The following VAV3 variants were observed in gnomAD, a reference collection of about 807,000 sequenced individuals.
The protein encoded by VAV3 is guanine nucleotide exchange factor VAV3.
Under a neutral mutation model 131.2 loss-of-function variants are expected in VAV3, and 94 were observed. The ratio of observed to expected loss-of-function variants is 0.72; its 90% confidence interval spans 0.61 to 0.85. VAV3 has a LOEUF of 0.85. VAV3 is among the 40% of genes least tolerant of loss of function. The pLI is 0.00. For missense variants in VAV3, 939 were observed against 1,002.7 expected (o/e 0.94, Z 0.86); for synonymous variants, 349 against 342.0 (o/e 1.02, Z -0.22).
At chr1:107,737,653 A>G (rs1028083433) in intron 15 of VAV3, among the ~76,000 whole-genome samples, 2 of 152,224 alleles carry the variant, frequency 1.3e-5, no homozygotes, top group Non-Finnish European at 2.9e-5. Context: ...AACCACAATG[A>G]GATACCATCT....
In VAV3 at chr1:107,964,986, C is replaced by G; in HGVS notation, c.-117G>C. The G allele has an allele frequency of 2.2e-6, 2 of 908,514 alleles. No individual in the cohort carries two copies. Among genetic ancestry groups the G allele is most frequent in the Non-Finnish European group, 2.8e-6 (2 of 719,132 alleles). 56.3% of individuals were successfully genotyped at this position (908,514 alleles called of 1,614,324 possible). On this transcript the variant is annotated 5_prime_UTR_variant, in exon 1 of 27. Transcript: ENST00000370056. ...CGCCAACAGCCGCCGGCCCTTTCCCCGCGCGGGATCGAGGGAGCAGGAGCC... is the reference window on the plus strand; with the variant it reads ...CGCCAACAGCCGCCGGCCCTTTCCCGGCGCGGGATCGAGGGAGCAGGAGCC...
At chr1:107,784,352 T>C (rs1665867570) in intron 2 of VAV3, among the ~76,000 whole-genome samples, 2 of 152,326 alleles carry the variant, frequency 1.3e-5, no homozygotes, top group African/African-American at 2.4e-5. Context: ...CTGTGTAACA[T>C]TTCAGTGTAT....
chr1:107,684,395 CTG>C (rs1267734098), intron 18 of VAV3, among the ~76,000 whole-genome samples: 1 of 152,188 alleles, frequency 6.6e-6, no homozygotes, highest in Non-Finnish European at 1.5e-5. Flanking sequence ...GGGTTTGTAT[CTG>C]TGTGTGAAGA....
intron 15 of VAV3, among the ~76,000 whole-genome samples, chr1:107,742,367 C>A (rs1663073785): frequency 6.6e-6 from 1 of 152,162 alleles, no homozygotes; most frequent in Non-Finnish European, 1.5e-5. Flanking sequence ...TGCCCTCATG[C>A]AAGAAACAGA....
chr1:107,718,251 A>G (rs1467727088), intron 15 of VAV3, among the ~76,000 whole-genome samples: 2 of 152,194 alleles, frequency 1.3e-5, no homozygotes, highest in Non-Finnish European at 2.9e-5. Flanking sequence ...CAATTAGGAA[A>G]AGAGGAAATC....
At chr1:107,771,494 C>A (rs548348970) in intron 5 of VAV3, among the ~76,000 whole-genome samples, 13 of 152,296 alleles carry the variant, frequency 8.5e-5, no homozygotes, top group African/African-American at 3.1e-4. Flanking sequence ...ACCTCATGAT[C>A]TGCCTGCCTC....
chr1:107,769,203 T>C (rs528850607), intron 6 of VAV3, among the ~76,000 whole-genome samples: 26 of 152,342 alleles, frequency 1.7e-4, no homozygotes, highest in African/African-American at 6.0e-4. Flanking sequence ...ACCGAGTTTA[T>C]ACTCCATGAA....
chr1:107,743,060 A>G (rs546013293), intron 15 of VAV3, among the ~76,000 whole-genome samples: 6 of 152,290 alleles, frequency 3.9e-5, no homozygotes, highest in African/African-American at 1.4e-4. Context: ...AAGAACTGAA[A>G]CACACAATCT....
chr1:107,907,509 A>T (rs140223148), intron 1 of VAV3, among the ~76,000 whole-genome samples: 172 of 152,296 alleles, frequency 1.1e-3, no homozygotes, highest in Non-Finnish European at 2.1e-3. Flanking sequence ...ATGCAACAGT[A>T]CTGAAAAGTA....
intron 25 of VAV3, among the ~76,000 whole-genome samples, chr1:107,586,421 TG>T (rs1650500107): frequency 1.3e-5 from 2 of 152,020 alleles, no homozygotes; most frequent in South Asian, 4.2e-4. Context: ...AAACAGTAAA[TG>T]AGGAAAGAAG....
intron 2 of VAV3, among the ~76,000 whole-genome samples, chr1:107,863,070 A>T (rs949999861): frequency 5.3e-5 from 8 of 152,292 alleles, no homozygotes; most frequent in Non-Finnish European, 1.2e-4. Flanking sequence ...AATATACATA[A>T]ATTAAGGGTA....
At chr1:107,759,720 T>C (rs1664311165) in intron 10 of VAV3, among the ~76,000 whole-genome samples, 1 of 152,148 alleles carries the variant, frequency 6.6e-6, no homozygotes, top group African/African-American at 2.4e-5. Context: ...ATAGTTGTAT[T>C]TTATACTTTT....
chr1:107,638,003 C>T (rs76118396), intron 20 of VAV3, among the ~76,000 whole-genome samples: 20,744 of 152,140 alleles, frequency 0.14, 1,506 homozygotes, highest in Non-Finnish European at 0.16. Context: ...TGAGAAAAAT[C>T]TGACATCTAT....
chr1:107,962,823 C>G (rs1011062930), intron 1 of VAV3, among the ~76,000 whole-genome samples: 1 of 152,226 alleles, frequency 6.6e-6, no homozygotes, highest in African/African-American at 2.4e-5. Flanking sequence ...AGGTCATTAG[C>G]TGTCCTACTT....
intron 15 of VAV3, among the ~76,000 whole-genome samples, chr1:107,729,973 A>T (rs12403627): frequency 0.18 from 27,814 of 152,160 alleles, 3,121 homozygotes; most frequent in East Asian, 0.42. Context: ...CAGATAAATA[A>T]CAATATGTGG....
intron 15 of VAV3, among the ~76,000 whole-genome samples, chr1:107,726,948 A>T (rs1254013883): frequency 6.6e-6 from 1 of 152,212 alleles, no homozygotes; most frequent in African/African-American, 2.4e-5. Flanking sequence ...ATACACACAC[A>T]CTCACACAAT....
At position 107,702,040 on chromosome 1, in the gene VAV3, T is replaced by C. The variant is rs140249200; in HGVS notation, c.1705+2510A>G. On this transcript the variant is annotated intron_variant, in intron 17 of 26. Coordinates refer to ENST00000370056, the MANE Select transcript of VAV3 (RefSeq NM_006113.5). ...TTATAGCAGTGCCCCCCACTCTGGG[T>C]ACCAATTTACTGTATTAGTCCGTCC... Among the ~76,000 whole-genome samples the C allele has an allele frequency of 1.2e-3, 187 of 152,282 alleles. 1 individual carries two copies. Among genetic ancestry groups the C allele is most frequent in the Non-Finnish European group, 5.0e-4 (34 of 68,012 alleles).
At chr1:107,888,834 T>G (rs188647199) in intron 1 of VAV3, among the ~76,000 whole-genome samples, 1 of 152,232 alleles carries the variant, frequency 6.6e-6, no homozygotes, top group Non-Finnish European at 1.5e-5. Context: ...TTACATTCTA[T>G]TTTCTGTCTA....
At chr1:107,768,900 G>C (rs942819248) in intron 6 of VAV3, among the ~76,000 whole-genome samples, 1 of 152,150 alleles carries the variant, frequency 6.6e-6, no homozygotes, top group Non-Finnish European at 1.5e-5. Flanking sequence ...AATAATCTAT[G>C]TATGCAATTT....
Sources: allele counts gnomAD v4.1 joint callset (sites outside exome capture counted in the v4.1 genomes callset), GRCh38; gene constraint gnomAD v4.1.1; transcripts MANE v1.5; gene names NCBI Gene and HGNC (gene_info 2026-07-23, HGNC 2026-07-21).